The following CHN2 variants were observed in gnomAD, a reference collection of about 807,000 sequenced individuals.
CHN2 encodes the protein chimerin 2, also known as beta-chimaerin.
CHN2 carries 35 observed loss-of-function variants against 56.3 expected under a neutral mutation model. That is an observed-to-expected ratio of 0.62 (90% confidence interval 0.47 to 0.82). CHN2 has a LOEUF of 0.82. Among genes scored for constraint, CHN2 ranks in the 40% least tolerant of loss-of-function variants. The pLI, the probability that CHN2 is intolerant of heterozygous loss-of-function variation, is 0.00. For missense variants in CHN2, 491 were observed against 580.5 expected (o/e 0.85, Z 1.58); for synonymous variants, 210 against 212.8 (o/e 0.99, Z 0.12).
At chr7:29,451,059 A>G (rs1784370168) in intron 6 of CHN2, among the ~76,000 whole-genome samples, 1 of 152,166 alleles carries the variant, frequency 6.6e-6, no homozygotes, top group Non-Finnish European at 1.5e-5. Flanking sequence ...GTGAGCCATC[A>G]CACCCGGCCT....
chr7:29,470,643 G>A (rs1331582584), intron 6 of CHN2, among the ~76,000 whole-genome samples: 4 of 152,194 alleles, frequency 2.6e-5, no homozygotes, highest in East Asian at 3.8e-4. Flanking sequence ...GCTATGTTTG[G>A]TACATTCTGT....
intron 1 of CHN2, among the ~76,000 whole-genome samples, chr7:29,293,206 C>T (rs1009838614): frequency 6.6e-6 from 1 of 152,202 alleles, no homozygotes; most frequent in East Asian, 1.9e-4. Context: ...GCCCCATTCA[C>T]TGGTCCATTA....
At chr7:29,446,284 A>T (rs1784028586) in intron 6 of CHN2, among the ~76,000 whole-genome samples, 1 of 152,198 alleles carries the variant, frequency 6.6e-6, no homozygotes, top group Non-Finnish European at 1.5e-5. Flanking sequence ...ATTGAAATTT[A>T]AAAAACAAAC....
At chr7:29,256,047 G>A (rs1322998234) in intron 1 of CHN2, among the ~76,000 whole-genome samples, 1 of 152,208 alleles carries the variant, frequency 6.6e-6, no homozygotes, top group East Asian at 1.9e-4. Context: ...AGACAAGAGT[G>A]ATTTGACTTG....
At chr7:29,483,811 T>C in intron 7 of CHN2, 1 of 1,214,464 alleles carries the variant, frequency 8.2e-7, no homozygotes, top group Non-Finnish European at 1.0e-6. Flanking sequence ...CTGCCCACAC[T>C]TAGCACAGTG....
chr7:29,211,002 A>G (rs1784880091), intron 1 of CHN2, among the ~76,000 whole-genome samples: 1 of 151,902 alleles, frequency 6.6e-6, no homozygotes, highest in African/African-American at 2.4e-5. Context: ...TTACACTGAG[A>G]TAGGTTGTCC....
chr7:29,351,560 C>T (rs923277588), intron 1 of CHN2, among the ~76,000 whole-genome samples: 1 of 152,158 alleles, frequency 6.6e-6, no homozygotes, highest in South Asian at 2.1e-4. Context: ...AGGAACCTGG[C>T]AGGTAGAGCC....
At chr7:29,232,876 C>T (rs1446731517) in intron 1 of CHN2, among the ~76,000 whole-genome samples, 1 of 152,210 alleles carries the variant, frequency 6.6e-6, no homozygotes, top group African/African-American at 2.4e-5. Context: ...GTGACAGTGA[C>T]TATCCATTGA....
intron 1 of CHN2, among the ~76,000 whole-genome samples, chr7:29,245,569 T>C (rs1562861340): frequency 6.6e-6 from 1 of 152,220 alleles, no homozygotes; most frequent in Non-Finnish European, 1.5e-5. Flanking sequence ...TTACGTGCAT[T>C]ATGCATTCCT....
intron 1 of CHN2, among the ~76,000 whole-genome samples, chr7:29,273,347 A>ATATATATATATATATATATATATATGTG (rs1790848925): frequency 2.7e-4 from 10 of 37,162 alleles, no homozygotes; most frequent in Non-Finnish European, 3.3e-4. Context: ...ATATGTGTAT[A>ATATATATATATATATATATATATATGTG]TATATATATA....
At chr7:29,167,664 C>T (rs989691113) in intron 2 of CHN2, among the ~76,000 whole-genome samples, 1 of 152,196 alleles carries the variant, frequency 6.6e-6, no homozygotes, top group African/African-American at 2.4e-5. Flanking sequence ...TCTACATCTT[C>T]ACCAATATTT....
At chr7:29,315,305 T>A (rs1198687646) in intron 1 of CHN2, among the ~76,000 whole-genome samples, 2 of 152,198 alleles carry the variant, frequency 1.3e-5, no homozygotes, top group Non-Finnish European at 2.9e-5. Context: ...GCTCCATCTT[T>A]CTCAGCTTTG....
At chr7:29,452,384 G>T (rs959598497) in intron 6 of CHN2, among the ~76,000 whole-genome samples, 9 of 152,188 alleles carry the variant, frequency 5.9e-5, no homozygotes, top group African/African-American at 2.2e-4. Context: ...GGTGTGTGAA[G>T]GCAGAGCCGG....
At chr7:29,302,267 CTCTTCTTCCTCCTCT>C (rs1170164452) in intron 1 of CHN2, among the ~76,000 whole-genome samples, 9 of 81,354 alleles carry the variant, frequency 1.1e-4, no homozygotes, top group Admixed American at 4.9e-4. Flanking sequence ...CTGCTTCTCC[CTCTTCTTCCTCCTCT>C]TCTTCTTCCT....
At chr7:29,278,593 A>G (rs1038636711) in intron 1 of CHN2, among the ~76,000 whole-genome samples, 2 of 152,118 alleles carry the variant, frequency 1.3e-5, no homozygotes, top group African/African-American at 4.8e-5. Context: ...TAGGGCTGGT[A>G]TCTGTGGCAT....
At chr7:29,508,663 T>C (rs1016758900) in intron 11 of CHN2, among the ~76,000 whole-genome samples, 26 of 152,206 alleles carry the variant, frequency 1.7e-4, no homozygotes, top group Non-Finnish European at 3.2e-4. Context: ...AGGGTTTTCT[T>C]TGAGTAGCTG....
chr7:29,194,915 G>T lies in CHN2; in HGVS notation c.-27G>T, dbSNP rs1412293685. ...GGCGGCGTCCGCACCGGGGCTGAGC[G>T]AGCAGCGACGCGAGGGGCGCGCGGA... On this transcript the variant is annotated 5_prime_UTR_variant, in exon 1 of 13. Transcript: ENST00000222792. 1.3e-6 allele frequency: 2 copies of T among 1,540,874 alleles called. No homozygotes were observed. The highest frequency in any genetic ancestry group is 2.0e-5 in the Admixed American group (1 of 51,222).
At chr7:29,482,261 A>G (rs1787330957) in intron 7 of CHN2, among the ~76,000 whole-genome samples, 1 of 152,238 alleles carries the variant, frequency 6.6e-6, no homozygotes, top group African/African-American at 2.4e-5. Context: ...TGTTTTAAAC[A>G]GACATCTTTG....
At chr7:29,442,559 C>A (rs1783719899) in intron 6 of CHN2, among the ~76,000 whole-genome samples, 1 of 152,196 alleles carries the variant, frequency 6.6e-6, no homozygotes. Flanking sequence ...ACTGAACCAT[C>A]CCACTCTGAG....
Sources: allele counts gnomAD v4.1 joint callset (sites outside exome capture counted in the v4.1 genomes callset), GRCh38; gene constraint gnomAD v4.1.1; transcripts MANE v1.5; gene names NCBI Gene and HGNC (gene_info 2026-07-23, HGNC 2026-07-21).